CAMTA1: variants seen among roughly 807,000 people sequenced by gnomAD.
CAMTA1 encodes calmodulin binding transcription activator 1, also known as calmodulin-binding transcription activator 1.
CAMTA1 carries 27 observed loss-of-function variants against 170.9 expected under a neutral mutation model. That is an observed-to-expected ratio of 0.16 (90% CI 0.12 to 0.22). The LOEUF (loss-of-function observed/expected upper bound fraction) is 0.22. Ranked by LOEUF, CAMTA1 falls within the 10% of genes least tolerant of loss-of-function variation. The pLI, the probability that CAMTA1 is intolerant of heterozygous loss-of-function variation, is 1.00. For missense variants in CAMTA1, 1,619 were observed against 2,217.2 expected (o/e 0.73, Z 5.42); for synonymous variants, 833 against 891.5 (o/e 0.93, Z 1.17).
At chr1:7,187,286 T>C (rs1274575431) in intron 4 of CAMTA1, among the ~76,000 whole-genome samples, 2 of 152,126 alleles carry the variant, frequency 1.3e-5, no homozygotes, top group African/African-American at 4.8e-5. Context: ...ATATGGGAAA[T>C]GAAGACAGTG....
At chr1:7,137,584 A>C (rs1645615374) in intron 4 of CAMTA1, among the ~76,000 whole-genome samples, 1 of 152,190 alleles carries the variant, frequency 6.6e-6, no homozygotes. Context: ...ACAATGTCAC[A>C]TGGCTCCCTC....
intron 3 of CAMTA1, among the ~76,000 whole-genome samples, chr1:7,075,168 A>C (rs1286922300): frequency 6.6e-6 from 1 of 152,196 alleles, no homozygotes; most frequent in Non-Finnish European, 1.5e-5. Context: ...AACTTTGGTC[A>C]TAATTCCTGC....
chr1:7,029,294 G>T (rs1181645228), intron 3 of CAMTA1, among the ~76,000 whole-genome samples: 1 of 151,968 alleles, frequency 6.6e-6, no homozygotes, highest in Non-Finnish European at 1.5e-5. Flanking sequence ...AAGGTCAGGA[G>T]ATCGAGACCA....
At chr1:6,975,564 G>T (rs960580541) in intron 3 of CAMTA1, among the ~76,000 whole-genome samples, 5 of 152,156 alleles carry the variant, frequency 3.3e-5, no homozygotes, top group Non-Finnish European at 5.9e-5. Flanking sequence ...TGAATGCAAT[G>T]ACAGTTGTTC....
intron 11 of CAMTA1, among the ~76,000 whole-genome samples, chr1:7,724,315 C>A (rs1189381319): frequency 6.6e-6 from 1 of 152,200 alleles, no homozygotes; most frequent in Non-Finnish European, 1.5e-5. Context: ...TATACCAATA[C>A]TAGTTTCTTA....
chr1:6,808,727 CTGAA>C (rs748562636), intron 1 of CAMTA1, among the ~76,000 whole-genome samples: 109 of 152,056 alleles, frequency 7.2e-4, no homozygotes, highest in African/African-American at 2.0e-3. Flanking sequence ...TGCTTGTTGG[CTGAA>C]TGAATGAATG....
At chr1:7,380,903 G>A (rs994940339) in intron 5 of CAMTA1, among the ~76,000 whole-genome samples, 1 of 152,314 alleles carries the variant, frequency 6.6e-6, no homozygotes, top group East Asian at 1.9e-4. Flanking sequence ...GGGACAATGA[G>A]AGCAGTGGCT....
chr1:7,055,108 G>A (rs1235295327), intron 3 of CAMTA1, among the ~76,000 whole-genome samples: 1 of 152,146 alleles, frequency 6.6e-6, no homozygotes, highest in Admixed American at 6.5e-5. Context: ...CTACCCCCAT[G>A]ATCCAGTCAC....
intron 9 of CAMTA1, among the ~76,000 whole-genome samples, chr1:7,667,451 G>A (rs1304330058): frequency 6.6e-6 from 1 of 152,142 alleles, no homozygotes; most frequent in Non-Finnish European, 1.5e-5. Flanking sequence ...CTGAGAGGGG[G>A]TGGCCTCGAG....
chr1:7,091,280 T>C (rs780132556), intron 3 of CAMTA1, 24 bp from the exon 4 acceptor site: 1 of 1,553,936 alleles, frequency 6.4e-7, no homozygotes, highest in Non-Finnish European at 8.9e-7. Flanking sequence ...TTGTTGTTAT[T>C]ATCTTTTTAT....
At position 7,665,248 on chromosome 1, in the gene CAMTA1, T is replaced by G; in HGVS notation, c.2652+49T>G. On this transcript the variant is annotated intron_variant, in intron 9 of 22. Transcript: ENST00000303635. The surrounding 1 kb of genome is among the most constrained non-coding windows in gnomAD (Gnocchi z 4.3). ...CCTGTCACCTCCCCTCCCACCCACC[T>G]CGCCAGCCCCTGCGCCACCCTGCAG... The G allele has an allele frequency of 7.3e-7, 1 of 1,376,684 alleles. No individual in the cohort carries two copies. Among genetic ancestry groups the G allele is most frequent in the Non-Finnish European group, 9.5e-7 (1 of 1,057,560 alleles). 85.3% of individuals were successfully genotyped at this position (1,376,684 alleles called of 1,614,324 possible).
In CAMTA1 at chr1:7,207,404, A is replaced by G. The variant is rs1030729356; in HGVS notation, c.303-42087A>G. 5.3e-5 allele frequency among the ~76,000 whole-genome samples: 8 copies of G among 152,242 alleles called. No homozygotes were observed. In the East Asian group the frequency reaches 1.5e-3, roughly 29 times the overall value. ...TGGAAAGAAAATCTTCTATCATATT[A>G]TATTACAAATTCAGGAGGAAAATCT... On this transcript the variant is annotated intron_variant, in intron 4 of 22. Transcript: ENST00000303635.
intron 3 of CAMTA1, among the ~76,000 whole-genome samples, chr1:6,962,673 C>T (rs546543230): frequency 1.4e-5 from 2 of 145,270 alleles, no homozygotes; most frequent in South Asian, 2.3e-4. Flanking sequence ...TCTGGTTCCA[C>T]CCACCCACGT....
intron 3 of CAMTA1, among the ~76,000 whole-genome samples, chr1:6,975,624 G>A (rs1327813481): frequency 6.6e-6 from 1 of 152,142 alleles, no homozygotes; most frequent in African/African-American, 2.4e-5. Context: ...CCTGCTTGGA[G>A]CATAATAACG....
intron 6 of CAMTA1, among the ~76,000 whole-genome samples, chr1:7,604,760 T>A (rs1289503042): frequency 2.6e-5 from 4 of 152,226 alleles, no homozygotes; most frequent in African/African-American, 9.6e-5. Flanking sequence ...GGTGCTCTGA[T>A]TTTTAGAGTT....
chr1:6,840,057 G>A (rs911496584), intron 3 of CAMTA1, among the ~76,000 whole-genome samples: 7 of 152,104 alleles, frequency 4.6e-5, no homozygotes, highest in Non-Finnish European at 8.8e-5. Context: ...AAAATTAGCC[G>A]GGCGTGGTGG....
At chr1:7,357,782 G>T (rs1470512713) in intron 5 of CAMTA1, among the ~76,000 whole-genome samples, 1 of 152,190 alleles carries the variant, frequency 6.6e-6, no homozygotes, top group Non-Finnish European at 1.5e-5. Context: ...CATGGGGCCT[G>T]CTCCTTTTGA....
chr1:6,855,642 A>C (rs1439930884), intron 3 of CAMTA1, among the ~76,000 whole-genome samples: 10 of 152,110 alleles, frequency 6.6e-5, no homozygotes, highest in Admixed American at 5.2e-4. Context: ...CAGTGTGGAC[A>C]TGAGATTTGG....
intron 4 of CAMTA1, among the ~76,000 whole-genome samples, chr1:7,189,477 G>A (rs1654108453): frequency 1.3e-5 from 2 of 152,178 alleles, no homozygotes; most frequent in Non-Finnish European, 2.9e-5. Flanking sequence ...CTAAGGACAT[G>A]AATAGAGAGT....
Sources: gnomAD v4.1 joint callset for allele counts (sites outside exome capture counted in the v4.1 genomes callset) on GRCh38, gnomAD v4.1.1 for gene constraint, Gnocchi (gnomAD v3.1) non-coding constraint, MANE v1.5 for transcripts, NCBI Gene and HGNC (gene_info 2026-07-23, HGNC 2026-07-21) for gene names.